The following FAT1 variants were observed in gnomAD, a reference collection of about 807,000 sequenced individuals.
The protein encoded by FAT1 is protocadherin Fat 1.
FAT1 carries 171 observed loss-of-function variants against 329.8 expected under a neutral mutation model. That is an observed-to-expected ratio of 0.52 (90% CI 0.46 to 0.59). FAT1 has a LOEUF of 0.59. Ranked by LOEUF, FAT1 falls within the 20% of genes least tolerant of loss-of-function variation. The pLI is 0.00. For synonymous variants in FAT1, 2,233 were observed against 2,228.6 expected, an observed-to-expected ratio of 1.00 and a Z score of -0.06; for missense variants, 5,672 against 5,774.4, an observed-to-expected ratio of 0.98 and a Z score of 0.57.
At position 186,594,699 on chromosome 4, in the gene FAT1, T is replaced by TAC. The variant is rs1332444924; in HGVS notation, c.13138+988_13138+989dup. Among the ~76,000 whole-genome samples, 3 of 137,664 alleles carry TAC rather than the reference T, an allele frequency of 2.2e-5. No homozygotes were observed. The East Asian group carries it at 6.4e-4, about 29-fold the overall frequency. 90.3% of individuals were successfully genotyped at this position (137,664 alleles called of 152,430 possible). ...AAGTATATATATATATATATATATA[T>TAC]ACTTGAAATCAGAAATGATAGCACA... On this transcript the variant is annotated intron_variant, in intron 26 of 26. Transcript: ENST00000441802.
At position 186,619,329 on chromosome 4, in the gene FAT1, A is replaced by G. The variant is rs1300920797; in HGVS notation, c.7257T>C (p.Ser2419=). ...VTCVKAYDAD[S]SDIDKLQYSI... ...AATACTGCAACTTGTCTATGTCTGA[A>G]CTGTCTGCATCATAGGCTTTTACAC... The change falls in exon 10 of 27, where the codon AGT becomes AGC. Residue 2419 remains serine (S), a synonymous_variant. Coordinates refer to ENST00000441802, the MANE Select transcript of FAT1 (RefSeq NM_005245.4). The G allele has an allele frequency of 6.2e-7, 1 of 1,614,046 alleles. No individual in the cohort carries two copies. The highest frequency in any genetic ancestry group is 8.5e-7 in the Non-Finnish European group (1 of 1,179,900).
chr4:186,667,212 C>T (rs1006427125), intron 2 of FAT1, among the ~76,000 whole-genome samples: 9 of 152,192 alleles, frequency 5.9e-5, no homozygotes, highest in African/African-American at 9.7e-5. Flanking sequence ...GGGCCGTAAG[C>T]GTCCAGACTG....
rs139058783 is a variant in FAT1 at position 186,602,758 on chromosome 4, T to C, written c.11482+145A>G. 3.8e-4 allele frequency: 356 copies of C among 928,250 alleles called. 1 individual carries two copies. The African/African-American group carries it at 5.5e-3, about 14-fold the overall frequency. 57.5% of individuals were successfully genotyped at this position (928,250 alleles called of 1,614,324 possible). A position where few individuals can be genotyped will look rare whatever the true frequency, so the allele number is the denominator to read the frequency against. Reference sequence around the variant, plus strand: ...AACAAGAGGAAGCAAAACTTACTACTGTCATTCTTTATTCATCTCCACATC... The same window carrying C: ...AACAAGAGGAAGCAAAACTTACTACCGTCATTCTTTATTCATCTCCACATC... On this transcript the variant is annotated intron_variant, in intron 20 of 26. Transcript: ENST00000441802.
chr4:186,599,165 T>C (rs959733615), intron 22 of FAT1, among the ~76,000 whole-genome samples: 1 of 152,166 alleles, frequency 6.6e-6, no homozygotes, highest in Non-Finnish European at 1.5e-5. Context: ...ACAGTATAAA[T>C]GAGAGTGTTT....
In FAT1 at chr4:186,620,883, T is replaced by C. The variant is rs1740009104; in HGVS notation, c.5703A>G (p.Val1901=). 1.2e-6 allele frequency: 2 copies of C among 1,613,896 alleles called. No individual in the cohort carries two copies. The highest frequency in any genetic ancestry group is 1.3e-5 in the African/African-American group (1 of 74,922). The part of the protein sequence containing the change: ...PTYKGVKVIT[V]NATDADSSAF... ...CACTTGAATCAGCATCTGTAGCATT[T>C]ACTGTGATGACTTTTACTCCTTTGT... Residue 1901 remains valine (V), a synonymous_variant, in exon 10 of 27, where the codon GTA becomes GTG. Transcript: ENST00000441802.
intron 1 of FAT1, among the ~76,000 whole-genome samples, chr4:186,723,069 G>A (rs1344727540): frequency 6.6e-6 from 1 of 152,154 alleles, no homozygotes. Flanking sequence ...GGCAATGAAG[G>A]ACCAAAAACT....
chr4:186,706,151 G>A (rs1211268708), intron 2 of FAT1, among the ~76,000 whole-genome samples: 5 of 152,138 alleles, frequency 3.3e-5, no homozygotes, highest in African/African-American at 1.2e-4. Flanking sequence ...TGAATGGCAC[G>A]CCAGATGGTA....
In FAT1 at chr4:186,646,004, C is replaced by CACACACACAT. The variant is rs1491403367; in HGVS notation, c.3581-6222_3581-6221insATGTGTGTGT. Among the ~76,000 whole-genome samples the CACACACACAT allele has an allele frequency of 4.3e-3, 584 of 135,000 alleles. 13 individuals carry two copies. Among genetic ancestry groups the CACACACACAT allele is most frequent in the African/African-American group, 0.016 (560 of 35,582 alleles). 88.6% of individuals were successfully genotyped at this position (135,000 alleles called of 152,430 possible). ...ACACACACACACACACACACACACACATGAAAGATGGCAGCTAGAAAAGGA... is the reference window on the plus strand; with the variant it reads ...ACACACACACACACACACACACACACACACACACATATGAAAGATGGCAGCTAGAAAAGGA... On this transcript the variant is annotated intron_variant, in intron 3 of 26. Transcript: ENST00000441802.
chr4:186,663,228 C>T (rs2126616137), intron 3 of FAT1, 71 bp downstream of exon 3: 3 of 1,142,054 alleles, frequency 2.6e-6, no homozygotes, highest in South Asian at 1.5e-5. Context: ...CAGATAAATG[C>T]TAATTCTTAC....
At chr4:186,623,270 G>A (rs997967678) in intron 9 of FAT1, among the ~76,000 whole-genome samples, 1 of 152,138 alleles carries the variant, frequency 6.6e-6, no homozygotes, top group Non-Finnish European at 1.5e-5. Flanking sequence ...ACTAATTTCC[G>A]GCCTGTCTGT....
chr4:186,592,646 C>T (rs539784460), intron 26 of FAT1: 7 of 454,386 alleles, frequency 1.5e-5, no homozygotes, highest in Admixed American at 2.4e-5. Flanking sequence ...CTCTACGACA[C>T]GGCTGCTGCA....
chr4:186,689,778 T>G (rs542091515), intron 2 of FAT1, among the ~76,000 whole-genome samples: 326 of 152,276 alleles, frequency 2.1e-3, no homozygotes, highest in Admixed American at 4.6e-3. Context: ...CACAAGGGCA[T>G]GCACACCCGC....
rs1744812697 is a variant in FAT1, at chr4:186,709,129, C to T, written c.699G>A (p.Gly233=). The T allele has an allele frequency of 3.1e-6, 5 of 1,613,874 alleles. No homozygotes were observed. In the South Asian group the frequency reaches 5.5e-5, roughly 18 times the overall value. Residue 233 remains glycine (G), a synonymous_variant, in exon 2 of 27, where the codon GGG becomes GGA. Coordinates refer to ENST00000441802, the MANE Select transcript of FAT1 (RefSeq NM_005245.4). ...TGGCCATGCTGCTGATGCCACTGCT[C>T]CCATACAACTTCATGCCACGGTCCG... ...LAADRGMKLY[G]SSGISSMAKL...
At chr4:186,654,864 GC>G (rs1417889019) in intron 3 of FAT1, among the ~76,000 whole-genome samples, 5 of 151,198 alleles carry the variant, frequency 3.3e-5, no homozygotes, top group Non-Finnish European at 7.4e-5. Flanking sequence ...AGCCAAGATG[GC>G]ATCTCTGCAC....
At chr4:186,683,265 G>T (rs1452766567) in intron 2 of FAT1, among the ~76,000 whole-genome samples, 1 of 152,114 alleles carries the variant, frequency 6.6e-6, no homozygotes, top group East Asian at 1.9e-4. Context: ...GAAACTGTGC[G>T]TTCTTTTCTC....
intron 1 of FAT1, among the ~76,000 whole-genome samples, chr4:186,720,161 T>C (rs1225193610): frequency 1.3e-5 from 2 of 152,250 alleles, no homozygotes; most frequent in African/African-American, 2.4e-5. Flanking sequence ...TCTAAAGTAA[T>C]GTAACATCTT....
At chr4:186,624,633 C>CT (rs1430571201) in intron 9 of FAT1, among the ~76,000 whole-genome samples, 1 of 152,138 alleles carries the variant, frequency 6.6e-6, no homozygotes, top group Non-Finnish European at 1.5e-5. Flanking sequence ...TAATTAACTC[C>CT]TTTTTCCCTG....
intron 2 of FAT1, among the ~76,000 whole-genome samples, chr4:186,680,353 A>G (rs1579438647): frequency 6.6e-6 from 1 of 152,378 alleles, no homozygotes; most frequent in Middle Eastern, 3.4e-3. Flanking sequence ...AATATAGCAT[A>G]TAACACAAAC....
rs2126524867 is a variant in FAT1 at position 186,621,396 on chromosome 4, C to T, written c.5190G>A (p.Leu1730=). The T allele has an allele frequency of 1.1e-5, 17 of 1,613,924 alleles. No individual in the cohort carries two copies. The highest frequency in any genetic ancestry group is 1.4e-5 in the Non-Finnish European group (17 of 1,179,866). The change falls in exon 10 of 27, where the codon TTG becomes TTA. Residue 1730 remains leucine, a synonymous_variant. Coordinates refer to ENST00000441802, the MANE Select transcript of FAT1 (RefSeq NM_005245.4). ...ITQKALDFET[L]PIYTLIIQGT... Reference sequence around the variant, plus strand: ...CTTGTATTATCAATGTGTAAATGGGCAAAGTTTCAAAGTCCAGGGCTTTCT... The same window carrying T: ...CTTGTATTATCAATGTGTAAATGGGTAAAGTTTCAAAGTCCAGGGCTTTCT...
Sources: gnomAD v4.1 joint callset for allele counts (sites outside exome capture counted in the v4.1 genomes callset) on GRCh38, gnomAD v4.1.1 for gene constraint, MANE v1.5 for transcripts, NCBI Gene and HGNC (gene_info 2026-07-23, HGNC 2026-07-21) for gene names.